NUMB: variants seen among roughly 807,000 people sequenced by gnomAD.
NUMB encodes NUMB endocytic adaptor protein.
Under a neutral mutation model 59.7 loss-of-function variants are expected in NUMB, and 29 were observed. The observed-to-expected ratio is 0.49, with a 90% CI of 0.36 to 0.66. The LOEUF (loss-of-function observed/expected upper bound fraction) is 0.66, where lower values mean the gene tolerates loss of function less well. Among genes scored for constraint, NUMB ranks in the 30% least tolerant of loss-of-function variants. NUMB has a pLI of 0.00. For missense variants in NUMB, 723 were observed against 822.0 expected, an observed-to-expected ratio of 0.88 and a Z score of 1.47; for synonymous variants, 288 against 288.2, an observed-to-expected ratio of 1.00 and a Z score of 0.01.
intron 6 of NUMB, among the ~76,000 whole-genome samples, chr14:73,309,432 G>A (rs1890646390): frequency 6.6e-6 from 1 of 152,106 alleles, no homozygotes; most frequent in Admixed American, 6.6e-5. Context: ...GGACATGGAT[G>A]AAGCTGGAAA....
intron 4 of NUMB, among the ~76,000 whole-genome samples, chr14:73,349,533 C>T (rs1893092292): frequency 6.7e-6 from 1 of 150,242 alleles, no homozygotes; most frequent in Admixed American, 6.7e-5. Context: ...GAGATCGTGC[C>T]ATTGCACTCC....
intron 2 of NUMB, among the ~76,000 whole-genome samples, chr14:73,374,680 T>C (rs1367271107): frequency 2.6e-5 from 4 of 152,062 alleles, no homozygotes; most frequent in Non-Finnish European, 5.9e-5. Flanking sequence ...CCAAATACTT[T>C]TTTAGGAAAC....
At chr14:73,437,279 CAGGCAATCCAG>C (rs935247445) in intron 1 of NUMB, among the ~76,000 whole-genome samples, 3 of 152,136 alleles carry the variant, frequency 2.0e-5, no homozygotes, top group African/African-American at 7.2e-5. Context: ...CTGCTGAGCT[CAGGCAATCCAG>C]CCTCCCAAAG....
chr14:73,384,967 C>G (rs1190793089), intron 2 of NUMB, among the ~76,000 whole-genome samples: 5 of 146,870 alleles, frequency 3.4e-5, no homozygotes, highest in East Asian at 2.0e-4. Flanking sequence ...AATTTCGGCT[C>G]ACTGTAACCT....
chr14:73,454,068 G>A (rs1884181082), intron 1 of NUMB, among the ~76,000 whole-genome samples: 1 of 151,956 alleles, frequency 6.6e-6, no homozygotes, highest in Admixed American at 6.6e-5. Flanking sequence ...AAGTTGGGCG[G>A]GGGGGGAACG....
At chr14:73,442,070 C>A (rs993437908) in intron 1 of NUMB, among the ~76,000 whole-genome samples, 1 of 151,430 alleles carries the variant, frequency 6.6e-6, no homozygotes, top group Non-Finnish European at 1.5e-5. Flanking sequence ...TGAAAAGAGA[C>A]CCGGCACAGT....
intron 1 of NUMB, among the ~76,000 whole-genome samples, chr14:73,437,046 T>C (rs974466799): frequency 8.2e-6 from 1 of 122,242 alleles, no homozygotes; most frequent in Admixed American, 7.5e-5. Flanking sequence ...TCTCTCTTTT[T>C]TTTTTTTTTT....
At chr14:73,418,425 C>T (rs1897218492) in intron 1 of NUMB, among the ~76,000 whole-genome samples, 2 of 152,070 alleles carry the variant, frequency 1.3e-5, no homozygotes, top group African/African-American at 2.4e-5. Context: ...GATGGTTGCA[C>T]AATAATGTCA....
intron 2 of NUMB, among the ~76,000 whole-genome samples, chr14:73,407,734 T>C (rs1896733544): frequency 6.6e-6 from 1 of 152,222 alleles, no homozygotes; most frequent in African/African-American, 2.4e-5. Flanking sequence ...GGTCTTCTGC[T>C]TCCTAAAGCC....
chr14:73,450,525 T>C (rs112430060), intron 1 of NUMB, among the ~76,000 whole-genome samples: 255 of 152,378 alleles, frequency 1.7e-3, no homozygotes, highest in African/African-American at 6.0e-3. Context: ...CTGGGCGCAG[T>C]GGCTCACGCC....
chr14:73,354,211 C>T (rs966541461), intron 4 of NUMB, among the ~76,000 whole-genome samples: 98 of 151,836 alleles, frequency 6.5e-4, no homozygotes, highest in South Asian at 4.2e-4. Context: ...AATATTTACA[C>T]TTATAAGAAT....
chr14:73,354,718 C>T (rs1485102885), intron 4 of NUMB, among the ~76,000 whole-genome samples: 2 of 148,874 alleles, frequency 1.3e-5, no homozygotes, highest in Non-Finnish European at 3.0e-5. Context: ...GTCCCTGCTA[C>T]TCAGGAGGCA....
At chr14:73,440,117 A>C (rs1882915564) in intron 1 of NUMB, among the ~76,000 whole-genome samples, 1 of 151,964 alleles carries the variant, frequency 6.6e-6, no homozygotes, top group African/African-American at 2.4e-5. Context: ...ATAAAGCAGA[A>C]AATTTTATTA....
At chr14:73,298,693 C>G (rs979057821) in intron 6 of NUMB, 7 of 152,178 alleles carry the variant, frequency 4.6e-5, no homozygotes, top group Non-Finnish European at 8.8e-5. Flanking sequence ...CTAGAAGCGA[C>G]AAGGGAGACT....
intron 6 of NUMB, chr14:73,297,753 CCCAGTA>C (rs1009464762): frequency 6.5e-6 from 1 of 154,070 alleles, no homozygotes; most frequent in African/African-American, 2.4e-5. Flanking sequence ...TCCTATGACC[CCCAGTA>C]TGTTATAGCA....
chr14:73,327,407 C>T (rs1466451251), intron 4 of NUMB, among the ~76,000 whole-genome samples: 1 of 152,156 alleles, frequency 6.6e-6, no homozygotes, highest in Non-Finnish European at 1.5e-5. Context: ...CAGGCGTGTG[C>T]CACCACACCC....
chr14:73,331,141 T>C (rs1891952930), intron 4 of NUMB, among the ~76,000 whole-genome samples: 1 of 152,218 alleles, frequency 6.6e-6, no homozygotes, highest in Non-Finnish European at 1.5e-5. Context: ...TAATCCTTTA[T>C]TATATCTGCT....
chr14:73,369,943 T>G (rs1255404493), intron 2 of NUMB, among the ~76,000 whole-genome samples: 1 of 152,360 alleles, frequency 6.6e-6, no homozygotes, highest in East Asian at 1.9e-4. Flanking sequence ...CATGATGTGT[T>G]TTGCTTATAT....
chr14:73,456,202 G>A (rs998481690), intron 1 of NUMB, among the ~76,000 whole-genome samples: 1 of 151,602 alleles, frequency 6.6e-6, no homozygotes, highest in Non-Finnish European at 1.5e-5. Context: ...CTCCACCTCC[G>A]GGGTTCAAGC....
Sources: allele counts gnomAD v4.1 joint callset (sites outside exome capture counted in the v4.1 genomes callset), GRCh38; gene constraint gnomAD v4.1.1; transcripts MANE v1.5; gene names NCBI Gene and HGNC (gene_info 2026-07-23, HGNC 2026-07-21).